The following ATP11C variants were observed in gnomAD, a reference collection of about 807,000 sequenced individuals.
ATP11C encodes the protein ATPase phospholipid transporting 11C (ATP11C blood group).
Under a neutral mutation model 97.4 loss-of-function variants are expected in ATP11C, and 36 were observed. The observed-to-expected ratio is 0.37, with a 90% CI of 0.28 to 0.49. The LOEUF is 0.49. ATP11C is among the 20% of genes least tolerant of loss of function. The pLI is 0.98. For synonymous variants in ATP11C, 275 were observed against 290.9 expected (o/e 0.95, Z 0.56); for missense variants, 730 against 824.6 (o/e 0.89, Z 1.40).
intron 1 of ATP11C, among the ~76,000 whole-genome samples, chrX:139,862,029 G>C (rs1189696924): frequency 9.0e-6 from 1 of 111,682 alleles, no homozygotes. Flanking sequence ...AGAAAAGTCT[G>C]AACAGACAAG....
chrX:139,807,864 A>G (rs1468814413), intron 5 of ATP11C, among the ~76,000 whole-genome samples: 1 of 109,482 alleles, frequency 9.1e-6, no homozygotes, highest in African/African-American at 3.3e-5. Flanking sequence ...AGGTGGGAGG[A>G]CTGCCTGAGC....
At position 139,782,654 on chromosome X, in the gene ATP11C, G is replaced by A. The variant is rs746861375; in HGVS notation, c.1845C>T (p.Leu615=). ...PDDYERINRQ[L]IEAKMALQDR... ...CTTGTAAGGCCATTTTTGCCTCTAT[G>A]AGCTGTCTGTTAATTCTTTCATAAT... The change falls in exon 18 of 30, where the codon CTC becomes CTT. Residue 615 remains leucine, a synonymous_variant. Transcript: ENST00000682941. 3.3e-6 allele frequency: 4 copies of A among 1,204,665 alleles called. No individual in the cohort carries two copies. The South Asian group carries it at 7.1e-5, about 21-fold the overall frequency.
intron 1 of ATP11C, among the ~76,000 whole-genome samples, chrX:139,863,802 C>T (rs903897640): frequency 9.0e-6 from 1 of 111,552 alleles, no homozygotes; most frequent in Non-Finnish European, 1.9e-5. Flanking sequence ...TGGCTCACAC[C>T]TATAATCCCA....
chrX:139,833,054 T>A (rs1356447569), intron 1 of ATP11C, among the ~76,000 whole-genome samples: 1 of 111,741 alleles, frequency 8.9e-6, no homozygotes, highest in Non-Finnish European at 1.9e-5. Context: ...AAAGAAAAAA[T>A]ATTGTAAAAC....
chrX:139,909,000 C>T (rs1007611093), intron 1 of ATP11C, among the ~76,000 whole-genome samples: 3 of 112,409 alleles, frequency 2.7e-5, no homozygotes, highest in African/African-American at 9.7e-5. Flanking sequence ...AATCAATTTG[C>T]TTCTAAATTA....
At chrX:139,839,264 C>T (rs1007882576) in intron 1 of ATP11C, among the ~76,000 whole-genome samples, 6 of 111,415 alleles carry the variant, frequency 5.4e-5, no homozygotes, top group Admixed American at 9.5e-5. Context: ...TATGGAGTTT[C>T]CTTTTAAGGA....
At chrX:139,848,216 A>C (rs2083938288) in intron 1 of ATP11C, among the ~76,000 whole-genome samples, 1 of 111,587 alleles carries the variant, frequency 9.0e-6, no homozygotes, top group Non-Finnish European at 1.9e-5. Flanking sequence ...TTGGCTTTCA[A>C]ACTTGTTCTC....
intron 1 of ATP11C, among the ~76,000 whole-genome samples, chrX:139,836,297 C>T (rs1247306347): frequency 1.8e-5 from 2 of 110,800 alleles, no homozygotes; most frequent in African/African-American, 6.6e-5. Context: ...GGGCAGATCA[C>T]CTGAGGTCAG....
chrX:139,785,574 C>T (rs563404774), intron 15 of ATP11C, among the ~76,000 whole-genome samples: 19 of 111,089 alleles, frequency 1.7e-4, no homozygotes, highest in African/African-American at 6.2e-4. Flanking sequence ...AGAGCTGTCC[C>T]ACCAAGCCAT....
intron 26 of ATP11C, among the ~76,000 whole-genome samples, chrX:139,743,153 A>T (rs936098880): frequency 9.1e-6 from 1 of 109,328 alleles, no homozygotes; most frequent in African/African-American, 3.3e-5. Flanking sequence ...TAATTTTTAG[A>T]AGATTCAAGT....
chrX:139,763,795 C>T (rs1166516718), intron 20 of ATP11C, among the ~76,000 whole-genome samples: 1 of 111,862 alleles, frequency 8.9e-6, no homozygotes, highest in East Asian at 2.8e-4. Context: ...GGATGCAGGA[C>T]CCATGGATAC....
At chrX:139,755,670 C>T (rs1248107051) in intron 23 of ATP11C, among the ~76,000 whole-genome samples, 1 of 111,249 alleles carries the variant, frequency 9.0e-6, no homozygotes, top group Non-Finnish European at 1.9e-5. Context: ...GAAAAAAGGC[C>T]ACATATCTAT....
At chrX:139,859,498 T>C (rs1457121623) in intron 1 of ATP11C, among the ~76,000 whole-genome samples, 3 of 111,953 alleles carry the variant, frequency 2.7e-5, no homozygotes, top group African/African-American at 9.7e-5. Flanking sequence ...AAAAATTAAA[T>C]GGAACTTTCC....
At chrX:139,769,022 C>T (rs1356969427) in intron 19 of ATP11C, among the ~76,000 whole-genome samples, 4 of 108,210 alleles carry the variant, frequency 3.7e-5, no homozygotes, top group Admixed American at 1.0e-4. Flanking sequence ...AATACAATTG[C>T]CCAAGCCAAG....
At chrX:139,742,443 A>G (rs1238065897) in intron 26 of ATP11C, among the ~76,000 whole-genome samples, 1 of 111,688 alleles carries the variant, frequency 9.0e-6, no homozygotes, top group Non-Finnish European at 1.9e-5. Context: ...TAAAGCAAAC[A>G]TATGTTAGCT....
chrX:139,732,907 T>C (rs951265344), intron 28 of ATP11C, among the ~76,000 whole-genome samples: 17 of 111,773 alleles, frequency 1.5e-4, no homozygotes, highest in East Asian at 5.6e-4. Flanking sequence ...AAGAGTTATG[T>C]CCAGGGTCCA....
At chrX:139,889,475 A>G (rs1459717504) in intron 1 of ATP11C, among the ~76,000 whole-genome samples, 2 of 111,813 alleles carry the variant, frequency 1.8e-5, no homozygotes, top group African/African-American at 6.5e-5. Flanking sequence ...AGAAAATTTG[A>G]TTATTTTGAT....
intron 2 of ATP11C, among the ~76,000 whole-genome samples, chrX:139,823,105 G>A (rs1032795350): frequency 1.8e-5 from 2 of 110,904 alleles, no homozygotes; most frequent in South Asian, 7.8e-4. Flanking sequence ...AGCTACTTGG[G>A]AGGCTGAGGC....
At chrX:139,746,319 G>C (rs1028962240) in intron 24 of ATP11C, among the ~76,000 whole-genome samples, 6 of 111,680 alleles carry the variant, frequency 5.4e-5, no homozygotes, top group African/African-American at 2.0e-4. Context: ...AACTACTAAT[G>C]CCTGGCTGCC....
Sources: allele counts gnomAD v4.1 joint callset (sites outside exome capture counted in the v4.1 genomes callset), GRCh38; gene constraint gnomAD v4.1.1; transcripts MANE v1.5; gene names NCBI Gene and HGNC (gene_info 2026-07-23, HGNC 2026-07-21).